CYB5A: variants seen among roughly 807,000 people sequenced by gnomAD.
The protein encoded by CYB5A is cytochrome b5.
A neutral mutation model predicts 16.2 loss-of-function variants in CYB5A; 10 were observed. That is an observed-to-expected ratio of 0.62 (90% CI 0.38 to 1.04). CYB5A has a LOEUF of 1.04. Ranked by LOEUF, CYB5A falls within the 50% of genes least tolerant of loss-of-function variation. The probability of loss-of-function intolerance (pLI) is 0.01; values close to 1 mark genes in which losing one functional copy is unlikely to be tolerated. For synonymous variants in CYB5A, 62 were observed against 57.0 expected, an observed-to-expected ratio of 1.09 and a Z score of -0.40; for missense variants, 161 against 165.9, an observed-to-expected ratio of 0.97 and a Z score of 0.16.
Position 74,269,868 on chromosome 18 carries a change from CT to C in CYB5A, c.130-6392del, listed in dbSNP as rs999922901. On this transcript the variant is annotated intron_variant, in intron 1 of 4. Coordinates refer to ENST00000340533, the MANE Select transcript of CYB5A (RefSeq NM_148923.4). ...CCCTGAGATCGCCATGCCATGAAGACTTTTAGAAGCTGATTATGGTACCCTG... is the reference window on the plus strand; with the variant it reads ...CCCTGAGATCGCCATGCCATGAAGACTTTAGAAGCTGATTATGGTACCCTG... Among the ~76,000 whole-genome samples the C allele has an allele frequency of 2.6e-5, 4 of 152,106 alleles. No homozygotes were observed. In the East Asian group the frequency reaches 5.8e-4, roughly 22 times the overall value.
chr18:74,272,150 C>T (rs573141204), intron 1 of CYB5A, among the ~76,000 whole-genome samples: 1 of 152,358 alleles, frequency 6.6e-6, no homozygotes, highest in South Asian at 2.1e-4. Flanking sequence ...CGTTCCAGCT[C>T]ACAGCCTATG....
At chr18:74,274,039 A>G (rs943900384) in intron 1 of CYB5A, among the ~76,000 whole-genome samples, 3 of 152,236 alleles carry the variant, frequency 2.0e-5, no homozygotes, top group Non-Finnish European at 4.4e-5. Flanking sequence ...CTACTTCAGT[A>G]ATAAGTAACA....
At chr18:74,266,750 C>A (rs1316681729) in intron 1 of CYB5A, among the ~76,000 whole-genome samples, 46 of 141,880 alleles carry the variant, frequency 3.2e-4, no homozygotes, top group African/African-American at 3.1e-4. Flanking sequence ...AATTTTCTAA[C>A]AAAAAAAAAA....
chr18:74,267,738 C>G (rs912589919), intron 1 of CYB5A, among the ~76,000 whole-genome samples: 6 of 152,136 alleles, frequency 3.9e-5, no homozygotes, highest in Admixed American at 3.9e-4. Flanking sequence ...TTAGAGGTAA[C>G]AAAAGAAGTG....
chr18:74,277,933 T>G (rs1982944383), intron 1 of CYB5A, among the ~76,000 whole-genome samples: 1 of 152,194 alleles, frequency 6.6e-6, no homozygotes, highest in African/African-American at 2.4e-5. Flanking sequence ...CTGCCGAAGA[T>G]CTCTGCATTT....
chr18:74,276,803 G>A (rs1032488203), intron 1 of CYB5A, among the ~76,000 whole-genome samples: 1 of 152,184 alleles, frequency 6.6e-6, no homozygotes, highest in Non-Finnish European at 1.5e-5. Context: ...AGGCGTCTAA[G>A]TCGAGATGAT....
chr18:74,261,423 T>C lies in CYB5A; in HGVS notation c.259-479A>G, dbSNP rs75231483. Reference sequence around the variant, plus strand: ...TCAAAAATACAGTGTGTTTAAAGGCTGGCCAGGGGGAAGCCCAGTGGGCAG... The same window carrying C: ...TCAAAAATACAGTGTGTTTAAAGGCCGGCCAGGGGGAAGCCCAGTGGGCAG... On this transcript the variant is annotated intron_variant, in intron 2 of 4. Transcript: ENST00000340533. The C allele has an allele frequency of 5.9e-3, 1,139 of 194,310 alleles. 14 individuals carry two copies. The highest frequency in any genetic ancestry group is 0.025 in the African/African-American group (1,074 of 42,788). 12.0% of individuals were successfully genotyped at this position (194,310 alleles called of 1,614,324 possible).
At chr18:74,255,606 T>A in intron 4 of CYB5A, 135 bp downstream of exon 4, 2 of 762,684 alleles carry the variant, frequency 2.6e-6, no homozygotes, top group Admixed American at 3.9e-5. Context: ...CTGAACAGTC[T>A]GGCCTTCAGC....
At chr18:74,281,820 G>A (rs886732200) in intron 1 of CYB5A, among the ~76,000 whole-genome samples, 40 of 144,772 alleles carry the variant, frequency 2.8e-4, no homozygotes, top group South Asian at 6.4e-4. Flanking sequence ...CAGGAGAGGA[G>A]GGTGTGTGTG....
intron 3 of CYB5A, chr18:74,257,627 G>A (rs1278402930): frequency 6.6e-6 from 1 of 152,252 alleles, no homozygotes; most frequent in African/African-American, 2.4e-5. Flanking sequence ...TTAAATCAGT[G>A]TGTCAAAGTC....
At chr18:74,267,897 G>T (rs1474854631) in intron 1 of CYB5A, among the ~76,000 whole-genome samples, 6 of 152,222 alleles carry the variant, frequency 3.9e-5, no homozygotes, top group African/African-American at 1.4e-4. Context: ...AGTGCCCAGA[G>T]AGAGGGAGAA....
intron 1 of CYB5A, among the ~76,000 whole-genome samples, chr18:74,276,528 G>GCACACACACACACACA (rs57747358): frequency 6.9e-6 from 1 of 144,942 alleles, no homozygotes; most frequent in Non-Finnish European, 1.5e-5. Flanking sequence ...AAAAGATTCA[G>GCACACACACACACACA]CACACACACA....
intron 3 of CYB5A, chr18:74,256,956 A>G: frequency 1.0e-6 from 1 of 968,384 alleles, no homozygotes; most frequent in Non-Finnish European, 1.6e-6. Flanking sequence ...AAAAGTATTC[A>G]TAACTACAGC....
rs116001506 is a variant in CYB5A at position 74,271,872 on chromosome 18, A to G, written c.130-8395T>C. On this transcript the variant is annotated intron_variant, in intron 1 of 4. Coordinates refer to ENST00000340533, the MANE Select transcript of CYB5A (RefSeq NM_148923.4). ...GCCAACATAAAAGCTGAAGATGGCC[A>G]AGGACCAAATGAGTCTCCTATGACT... 8.3e-3 allele frequency among the ~76,000 whole-genome samples: 1,266 copies of G among 152,334 alleles called. 4 individuals are homozygous for G. Among genetic ancestry groups the G allele is most frequent in the South Asian group, 0.036 (175 of 4,820 alleles).
chr18:74,278,123 G>A (rs1270002671), intron 1 of CYB5A, among the ~76,000 whole-genome samples: 1 of 152,164 alleles, frequency 6.6e-6, no homozygotes, highest in African/African-American at 2.4e-5. Flanking sequence ...CAAGAGGCAG[G>A]CATTACCATT....
Position 74,263,488 on chromosome 18 carries a change from G to C in CYB5A, c.130-11C>G. On this transcript the variant is annotated splice_polypyrimidine_tract_variant and intron_variant, in intron 1 of 4. Transcript: ENST00000340533. ...TTCCCCACCAGGATGCTGTTCAAAG[G>C]AGAGGTAGAATAAAAATTTTTTTTT... 6.2e-7 allele frequency: 1 copy of C among 1,614,004 alleles called. No homozygotes were observed. The highest frequency in any genetic ancestry group is 8.5e-7 in the Non-Finnish European group (1 of 1,179,922).
Position 74,265,480 on chromosome 18 carries a change from G to A in CYB5A, c.130-2003C>T, listed in dbSNP as rs112837134. Among the ~76,000 whole-genome samples the A allele has an allele frequency of 2.3e-3, 357 of 152,344 alleles. 1 individual carries two copies. Among genetic ancestry groups the A allele is most frequent in the African/African-American group, 7.5e-3 (313 of 41,590 alleles). On this transcript the variant is annotated intron_variant, in intron 1 of 4. Coordinates refer to ENST00000340533, the MANE Select transcript of CYB5A (RefSeq NM_148923.4). ...TTGGGAAAACACGCATGTAGTTTTTGAGGATGAAATCTATGAACATATGTG... is the reference window on the plus strand; with the variant it reads ...TTGGGAAAACACGCATGTAGTTTTTAAGGATGAAATCTATGAACATATGTG...
chr18:74,262,976 C>T (rs1982269614), intron 2 of CYB5A, among the ~76,000 whole-genome samples: 2 of 152,094 alleles, frequency 1.3e-5, no homozygotes, highest in South Asian at 4.2e-4. Flanking sequence ...ACGGTGAAAC[C>T]CCGTCTCTAC....
At chr18:74,267,697 G>C (rs989989857) in intron 1 of CYB5A, among the ~76,000 whole-genome samples, 1 of 152,184 alleles carries the variant, frequency 6.6e-6, no homozygotes, top group East Asian at 1.9e-4. Flanking sequence ...TTAAGAAAAA[G>C]ACCAAAATGT....
Sources: gnomAD v4.1 joint callset for allele counts (sites outside exome capture counted in the v4.1 genomes callset) on GRCh38, gnomAD v4.1.1 for gene constraint, MANE v1.5 for transcripts, NCBI Gene and HGNC (gene_info 2026-07-23, HGNC 2026-07-21) for gene names.